CDH18: variants seen among roughly 807,000 people sequenced by gnomAD.
The protein encoded by CDH18 is cadherin-18.
A neutral mutation model predicts 67.9 loss-of-function variants in CDH18; 31 were observed. The observed-to-expected ratio is 0.46, with a 90% CI of 0.34 to 0.62. CDH18 has a LOEUF of 0.62. Among genes scored for constraint, CDH18 ranks in the 20% least tolerant of loss-of-function variants. The pLI, the probability that CDH18 is intolerant of heterozygous loss-of-function variation, is 0.01. For synonymous variants in CDH18, 362 were observed against 347.2 expected, an observed-to-expected ratio of 1.04 and a Z score of -0.48; for missense variants, 890 against 975.5, an observed-to-expected ratio of 0.91 and a Z score of 1.17.
At chr5:20,049,216 G>A (rs1009030922) in intron 2 of CDH18, among the ~76,000 whole-genome samples, 10 of 151,512 alleles carry the variant, frequency 6.6e-5, no homozygotes, top group African/African-American at 1.9e-4. Flanking sequence ...CTAGAAGAGC[G>A]TACTGGAACT....
chr5:19,800,806 G>A (rs753509271), intron 3 of CDH18, among the ~76,000 whole-genome samples: 67 of 152,124 alleles, frequency 4.4e-4, no homozygotes, highest in Non-Finnish European at 3.1e-4. Context: ...AAAAAAAATG[G>A]AGAGTACTTC....
At chr5:19,731,633 C>A (rs1438033491) in intron 4 of CDH18, among the ~76,000 whole-genome samples, 1 of 152,132 alleles carries the variant, frequency 6.6e-6, no homozygotes, top group Non-Finnish European at 1.5e-5. Context: ...ATATTAGAAC[C>A]TGACAAATAC....
chr5:20,017,561 C>T (rs1221607253), intron 2 of CDH18, among the ~76,000 whole-genome samples: 2 of 152,254 alleles, frequency 1.3e-5, no homozygotes, highest in African/African-American at 4.8e-5. Flanking sequence ...ATTAAAATTA[C>T]TAAATTTCCC....
chr5:19,511,688 G>T (rs1403210640), intron 10 of CDH18, among the ~76,000 whole-genome samples: 13 of 152,096 alleles, frequency 8.5e-5, no homozygotes, highest in Admixed American at 8.5e-4. Flanking sequence ...TCTAGTGGAA[G>T]AAATTTTTAA....
At position 19,508,072 on chromosome 5, in the gene CDH18, T is replaced by C. The variant is rs556385987; in HGVS notation, c.1513-4963A>G. ...CGTATTTCTGAAAAAAAAAAAAGCT[T>C]CCAAAAACGAGAATGTCAGTCTGAC... On this transcript the variant is annotated intron_variant, in intron 10 of 12. Coordinates refer to ENST00000382275, the MANE Select transcript of CDH18 (RefSeq NM_004934.5). 2.3e-3 allele frequency among the ~76,000 whole-genome samples: 352 copies of C among 151,684 alleles called. 1 individual carries two copies. The highest frequency in any genetic ancestry group is 4.2e-3 in the Non-Finnish European group (286 of 67,916).
chr5:19,644,098 T>C (rs1256113370), intron 5 of CDH18, among the ~76,000 whole-genome samples: 2 of 152,096 alleles, frequency 1.3e-5, no homozygotes, highest in African/African-American at 2.4e-5. Flanking sequence ...GAGCAAGAGA[T>C]TTTTAGCTGT....
intron 2 of CDH18, among the ~76,000 whole-genome samples, chr5:20,065,313 G>T (rs1367155554): frequency 6.6e-6 from 1 of 151,864 alleles, no homozygotes; most frequent in Non-Finnish European, 1.5e-5. Context: ...AGATACAATT[G>T]ATTTGGCTTA....
intron 5 of CDH18, among the ~76,000 whole-genome samples, chr5:19,677,530 A>C (rs1269616500): frequency 6.6e-6 from 1 of 152,034 alleles, no homozygotes; most frequent in Non-Finnish European, 1.5e-5. Flanking sequence ...ACAGCTAACA[A>C]CACAACGGCA....
rs866204562 is a variant in CDH18 at position 19,520,773 on chromosome 5, G to T, written c.1396C>A (p.Pro466Thr). 1 of 1,612,432 alleles carries T rather than the reference G, an allele frequency of 6.2e-7. No individual in the cohort carries two copies. The highest frequency in any genetic ancestry group is 1.7e-5 in the Admixed American group (1 of 59,764). ...ITVTASEIDNPDLLSHVTVGI... is the reference protein window; with the variant it reads ...ITVTASEIDNTDLLSHVTVGI... ...ACTGTGACATGGCTCAGCAAATCAG[G>T]ATTATCTGCAAAATACACAGGAATG... Residue 466 changes from proline (P) to threonine (T), a missense_variant, in exon 10 of 13, where the codon CCT becomes ACT. By Grantham distance (38) the Pro-to-Thr change is conservative. Transcript: ENST00000382275.
intron 5 of CDH18, among the ~76,000 whole-genome samples, chr5:19,624,659 G>C (rs570342795): frequency 6.6e-6 from 1 of 152,274 alleles, no homozygotes; most frequent in East Asian, 1.9e-4. Context: ...GGTTGAGATA[G>C]TTCTGAAGGA....
intron 2 of CDH18, among the ~76,000 whole-genome samples, chr5:20,248,042 C>T (rs1488733983): frequency 1.3e-5 from 2 of 151,996 alleles, no homozygotes; most frequent in African/African-American, 4.8e-5. Context: ...AAAATATAAA[C>T]ATTATTTGTT....
intron 3 of CDH18, among the ~76,000 whole-genome samples, chr5:19,798,604 G>GA (rs1290061292): frequency 6.6e-6 from 1 of 151,616 alleles, no homozygotes; most frequent in Non-Finnish European, 1.5e-5. Context: ...ACAAGTTTTA[G>GA]AAAAAAATCT....
At chr5:19,704,282 G>A (rs1763657769) in intron 5 of CDH18, among the ~76,000 whole-genome samples, 1 of 152,094 alleles carries the variant, frequency 6.6e-6, no homozygotes, top group South Asian at 2.1e-4. Context: ...AGTTTAACCT[G>A]CTCATTTTAA....
intron 1 of CDH18, among the ~76,000 whole-genome samples, chr5:20,520,961 A>G (rs1293752504): frequency 6.6e-6 from 1 of 152,240 alleles, no homozygotes; most frequent in Non-Finnish European, 1.5e-5. Context: ...AAAGGTGAGC[A>G]GTAGCTAACA....
At chr5:19,815,532 A>G (rs931670552) in intron 3 of CDH18, among the ~76,000 whole-genome samples, 2 of 150,548 alleles carry the variant, frequency 1.3e-5, no homozygotes, top group Non-Finnish European at 3.0e-5. Context: ...TCATTTCTTT[A>G]ATTTGAAAAT....
intron 2 of CDH18, among the ~76,000 whole-genome samples, chr5:20,067,897 T>C (rs1327056351): frequency 6.6e-6 from 1 of 152,090 alleles, no homozygotes; most frequent in Non-Finnish European, 1.5e-5. Flanking sequence ...TTATAGTTTA[T>C]TCTAGTTTCG....
chr5:20,249,187 C>A (rs1014591382), intron 2 of CDH18, among the ~76,000 whole-genome samples: 1 of 152,026 alleles, frequency 6.6e-6, no homozygotes, highest in Non-Finnish European at 1.5e-5. Flanking sequence ...ATAATGTGAT[C>A]AAGCAAAATT....
In CDH18 at chr5:20,325,445, T is replaced by C. The variant is rs138856507; in HGVS notation, c.-579-69940A>G. On this transcript the variant is annotated intron_variant, in intron 1 of 14. Coordinates refer to the CDH18 transcript ENST00000507958. ...TATCATGTCTTACATGTTAATTCAA[T>C]GGAATGGCAAAATGACAGAAAATAA... Among the ~76,000 whole-genome samples the C allele has an allele frequency of 4.9e-4, 74 of 152,296 alleles. 1 individual carries two copies. In the East Asian group the frequency reaches 0.012, roughly 25 times the overall value.
At chr5:19,629,486 T>G (rs1319298346) in intron 5 of CDH18, among the ~76,000 whole-genome samples, 1 of 152,118 alleles carries the variant, frequency 6.6e-6, no homozygotes, top group African/African-American at 2.4e-5. Context: ...CTTATTACAG[T>G]TAATGGTCTA....
Sources: gnomAD v4.1 joint callset for allele counts (sites outside exome capture counted in the v4.1 genomes callset) on GRCh38, gnomAD v4.1.1 for gene constraint, MANE v1.5 for transcripts, NCBI Gene and HGNC (gene_info 2026-07-23, HGNC 2026-07-21) for gene names.